The following CDR2L variants were observed in gnomAD, a reference collection of about 807,000 sequenced individuals.
The protein encoded by CDR2L is cerebellar degeneration related protein 2 like.
A neutral mutation model predicts 36.1 loss-of-function variants in CDR2L; 19 were observed. The ratio of observed to expected loss-of-function variants is 0.53; its 90% CI spans 0.37 to 0.77. The LOEUF (loss-of-function observed/expected upper bound fraction) is 0.77. Ranked by LOEUF, CDR2L falls within the 30% of genes least tolerant of loss-of-function variation. The pLI, the probability that CDR2L is intolerant of heterozygous loss-of-function variation, is 0.00. For synonymous variants in CDR2L, 285 were observed against 280.4 expected, an observed-to-expected ratio of 1.02 and a Z score of -0.16; for missense variants, 575 against 627.2, an observed-to-expected ratio of 0.92 and a Z score of 0.89.
rs775240147 is a variant in CDR2L, at chr17:75,002,905, C to A, written c.507-278C>A. Among the ~76,000 whole-genome samples the A allele has an allele frequency of 1.3e-5, 2 of 152,138 alleles. No homozygotes were observed. Among genetic ancestry groups the A allele is most frequent in the Non-Finnish European group, 2.9e-5 (2 of 67,992 alleles). On this transcript the variant is annotated intron_variant, in intron 4 of 4. Coordinates refer to ENST00000337231, the MANE Select transcript of CDR2L (RefSeq NM_014603.3). This position sits in a 1 kb window ranked among gnomAD's most constrained non-coding sequence, Gnocchi z 4.1. Reference sequence around the variant, plus strand: ...GAAGACACACCCCACGGCCTCTGCTCCCCCCTCGGACCTCTAGCCAGTGCC... The same window carrying A: ...GAAGACACACCCCACGGCCTCTGCTACCCCCTCGGACCTCTAGCCAGTGCC...
chr17:74,998,916 T>C (rs1231371277), intron 1 of CDR2L, among the ~76,000 whole-genome samples: 4 of 152,218 alleles, frequency 2.6e-5, no homozygotes, highest in African/African-American at 4.8e-5. Flanking sequence ...TTCCTGGCTG[T>C]GATCCGCCAC....
chr17:74,988,863 G>C (rs1170547279), intron 1 of CDR2L, among the ~76,000 whole-genome samples: 4 of 152,182 alleles, frequency 2.6e-5, no homozygotes, highest in African/African-American at 9.7e-5. Context: ...AAGGGCGACT[G>C]GAAGGGGGTT....
intron 1 of CDR2L, among the ~76,000 whole-genome samples, chr17:74,992,430 C>T (rs1213743664): frequency 2.0e-5 from 3 of 151,944 alleles, no homozygotes; most frequent in Admixed American, 1.3e-4. Context: ...CAGCTTGGTC[C>T]GGTGTGTCCC....
At position 75,004,267 on chromosome 17, in the gene CDR2L, G is replaced by T; in HGVS notation, c.*193G>T. 1 of 578,128 alleles carries T rather than the reference G, an allele frequency of 1.7e-6. No homozygotes were observed. The allele number at this position is 578,128 out of a possible 1,614,324, so 35.8% of individuals were successfully genotyped here. ...CCTGTCCTGCCTCCCAGGAGCCCTT[G>T]GCCACCTCGCGCCAGCCCAAAGGCG... is the stretch of plus-strand genomic sequence containing the variant. On this transcript the variant is annotated 3_prime_UTR_variant, in exon 5 of 5. Coordinates refer to ENST00000337231, the MANE Select transcript of CDR2L (RefSeq NM_014603.3).
chr17:74,990,428 A>T (rs183327886), intron 1 of CDR2L, among the ~76,000 whole-genome samples: 213 of 152,340 alleles, frequency 1.4e-3, no homozygotes, highest in African/African-American at 5.0e-3. Context: ...GAGCCTGAGG[A>T]CATAATCTCT....
intron 1 of CDR2L, among the ~76,000 whole-genome samples, chr17:74,992,744 T>G (rs2039804089): frequency 6.6e-6 from 1 of 152,218 alleles, no homozygotes; most frequent in South Asian, 2.1e-4. Flanking sequence ...TCTTTCTACC[T>G]GTCCCTGAAT....
chr17:75,002,274 G>T lies in CDR2L; in HGVS notation c.506+46G>T. 2 of 1,544,644 alleles carry T rather than the reference G, an allele frequency of 1.3e-6. No homozygotes were observed. The highest frequency in any genetic ancestry group is 4.7e-5 in the East Asian group (2 of 42,416). On this transcript the variant is annotated intron_variant, in intron 4 of 4. Transcript: ENST00000337231. This position sits in a 1 kb window ranked among gnomAD's most constrained non-coding sequence, Gnocchi z 4.1. ...GTGTCTCTGGGATTGCCAGCCATGG[G>T]AGGAAGGAGAGGCAGCAGGCAGCAG...
chr17:74,994,398 G>A (rs2039813260), intron 1 of CDR2L, among the ~76,000 whole-genome samples: 1 of 152,152 alleles, frequency 6.6e-6, no homozygotes, highest in Admixed American at 6.5e-5. Context: ...CTCATAAAAT[G>A]AAACAGACCA....
chr17:74,987,804 T>C lies in CDR2L; in HGVS notation c.-240T>C, dbSNP rs958876701. The C allele has an allele frequency of 3.6e-5, 8 of 222,578 alleles. No homozygotes were observed. The highest frequency in any genetic ancestry group is 1.2e-4 in the Admixed American group (2 of 17,340). The allele number at this position is 222,578 out of a possible 1,614,324, so 13.8% of individuals were successfully genotyped here. On this transcript the variant is annotated 5_prime_UTR_variant, in exon 1 of 5. Coordinates refer to ENST00000337231, the MANE Select transcript of CDR2L (RefSeq NM_014603.3). ...CCGCCGTCCCTGCCACTCCACCCTT[T>C]GTGTCGCCGCAGCCCGGTGCCCCCG...
intron 1 of CDR2L, among the ~76,000 whole-genome samples, chr17:74,992,416 C>A (rs2144857215): frequency 6.6e-6 from 1 of 151,962 alleles, no homozygotes; most frequent in African/African-American, 2.4e-5. Flanking sequence ...TTAGTACCTT[C>A]CCTCAGCTTG....
At chr17:74,990,245 C>T (rs776858564) in intron 1 of CDR2L, among the ~76,000 whole-genome samples, 5 of 152,128 alleles carry the variant, frequency 3.3e-5, no homozygotes, top group Admixed American at 6.5e-5. Context: ...GGGATGGGCC[C>T]GGCAGGCCTC....
intron 1 of CDR2L, 59 bp downstream of exon 1, chr17:74,988,181 T>C (rs1276552408): frequency 7.9e-7 from 1 of 1,260,110 alleles, no homozygotes; most frequent in Non-Finnish European, 1.1e-6. Flanking sequence ...CCCTGTCCGC[T>C]TCTCCATTGT....
chr17:75,000,917 C>CA (rs1041610146), intron 2 of CDR2L, among the ~76,000 whole-genome samples: 3 of 149,620 alleles, frequency 2.0e-5, no homozygotes, highest in African/African-American at 7.4e-5. Flanking sequence ...GACTCCGTCT[C>CA]AAAAAAAATA....
Position 74,987,935 on chromosome 17 carries a change from C to T in CDR2L, c.-109C>T, listed in dbSNP as rs2039773175. 2.1e-6 allele frequency: 1 copy of T among 478,706 alleles called. No individual in the cohort carries two copies. 29.7% of individuals were successfully genotyped at this position (478,706 alleles called of 1,614,324 possible). Reference sequence around the variant, plus strand: ...GGGGGCGCGGCGCGGGCTCTGTAGCCCGAGTTCCCGACGCTGGAGGCCCGG... The same window carrying T: ...GGGGGCGCGGCGCGGGCTCTGTAGCTCGAGTTCCCGACGCTGGAGGCCCGG... On this transcript the variant is annotated 5_prime_UTR_variant, in exon 1 of 5. Coordinates refer to ENST00000337231, the MANE Select transcript of CDR2L (RefSeq NM_014603.3).
rs541575534 is a variant in CDR2L at position 75,003,775 on chromosome 17, T to C, written c.1099T>C (p.Tyr367His). The C allele has an allele frequency of 6.6e-7, 1 of 1,516,586 alleles. No individual in the cohort carries two copies. Among genetic ancestry groups the C allele is most frequent in the African/African-American group, 1.4e-5 (1 of 72,336 alleles). The allele number at this position is 1,516,586 out of a possible 1,614,324, so 93.9% of individuals were successfully genotyped here. A position where few individuals can be genotyped will look rare whatever the true frequency, so the allele number is the denominator to read the frequency against. ...DEQYHALLEKYEELLSKCRQH... is the reference protein window; with the variant it reads ...DEQYHALLEKHEELLSKCRQH... The stretch of plus-strand genomic sequence containing the variant: ...GCAGTACCACGCGCTGCTGGAGAAG[T>C]ACGAGGAGCTGCTGAGCAAGTGCCG... The change falls in exon 5 of 5, where the codon TAC (tyrosine) becomes CAC (histidine). Residue 367 changes from tyrosine (Y) to histidine (H), a missense_variant. By Grantham distance (83) the Tyr-to-His change is moderately conservative. Coordinates refer to ENST00000337231, the MANE Select transcript of CDR2L (RefSeq NM_014603.3).
Position 75,003,751 on chromosome 17 carries a change from C to T in CDR2L, c.1075C>T (p.Gln359Ter). 6.7e-7 allele frequency: 1 copy of T among 1,485,520 alleles called. No individual in the cohort carries two copies. 92.0% of individuals were successfully genotyped at this position (1,485,520 alleles called of 1,614,324 possible). Reference protein sequence around the residue: ...GMSILREVDEQYHALLEKYEE... With the variant: ...GMSILREVDE ...GTCCATCCTGCGGGAGGTGGACGAG[C>T]AGTACCACGCGCTGCTGGAGAAGTA... Residue 359 changes from glutamine (Q) to a stop codon, truncating the protein, a stop_gained, in exon 5 of 5, where the codon CAG (glutamine) becomes TAG (stop). Transcript: ENST00000337231. LOFTEE classifies it high-confidence loss of function.
intron 1 of CDR2L, among the ~76,000 whole-genome samples, chr17:74,990,499 C>T (rs934794500): frequency 2.0e-5 from 3 of 152,200 alleles, no homozygotes; most frequent in Admixed American, 2.0e-4. Flanking sequence ...CTCACAATGG[C>T]GTCAGAGTGA....
chr17:74,993,774 T>G (rs1014470796), intron 1 of CDR2L, among the ~76,000 whole-genome samples: 2 of 152,210 alleles, frequency 1.3e-5, no homozygotes, highest in African/African-American at 4.8e-5. Context: ...TACTGCAGCC[T>G]TGCTCTAGGA....
In CDR2L at chr17:75,001,481, G is replaced by T; in HGVS notation, c.333G>T (p.Lys111Asn). The T allele has an allele frequency of 1.3e-6, 2 of 1,567,042 alleles. No homozygotes were observed. The highest frequency in any genetic ancestry group is 1.7e-6 in the Non-Finnish European group (2 of 1,159,000). ...LVLESKAAQQ[K>N]IHGLTETIER... ...TGGAGAGTAAGGCTGCCCAGCAGAA[G>T]ATCCATGGGTGAGGGCCCGGCTGAG... Residue 111 changes from lysine to asparagine, a missense_variant, in exon 3 of 5, where the codon AAG becomes AAT. Lys to Asn is a moderately conservative substitution (Grantham distance 94). Transcript: ENST00000337231.
Sources: allele counts gnomAD v4.1 joint callset (sites outside exome capture counted in the v4.1 genomes callset), GRCh38; gene constraint gnomAD v4.1.1; non-coding constraint Gnocchi (gnomAD v3.1); transcripts MANE v1.5; gene names NCBI Gene and HGNC (gene_info 2026-07-23, HGNC 2026-07-21).